TENM3: variants seen among roughly 807,000 people sequenced by gnomAD.
TENM3 encodes teneurin transmembrane protein 3, also known as teneurin-3.
A neutral mutation model predicts 255.1 loss-of-function variants in TENM3; 63 were observed. That is an observed-to-expected ratio of 0.25 (90% CI 0.20 to 0.30). The LOEUF is 0.30. TENM3 is among the 10% of genes least tolerant of loss of function. The pLI, the probability that TENM3 is intolerant of heterozygous loss-of-function variation, is 1.00. For synonymous variants in TENM3, 1,306 were observed against 1,322.3 expected (o/e 0.99, Z 0.27); for missense variants, 2,929 against 3,461.1 (o/e 0.85, Z 3.86).
At chr4:181,918,205 G>C in the TENM3 span, among the ~76,000 whole-genome samples, 935 of 152,056 alleles carry the variant, frequency 6.1e-3, 5 homozygotes, top group African/African-American at 0.022. Flanking sequence ...ATTTTTCATG[G>C]CTTTCTGAAT....
the TENM3 span, among the ~76,000 whole-genome samples, chr4:181,745,115 A>T: frequency 6.6e-6 from 1 of 152,164 alleles, no homozygotes; most frequent in African/African-American, 2.4e-5. Context: ...TGGACACCCC[A>T]ATGTTAAGAA....
intron 3 of TENM3, among the ~76,000 whole-genome samples, chr4:182,397,121 T>G (rs1768879641): frequency 6.6e-6 from 1 of 151,728 alleles, no homozygotes; most frequent in Admixed American, 6.6e-5. Context: ...ACAGAAGAGT[T>G]AACTGTGTAA....
chr4:182,579,367 CAG>C (rs34582029), intron 3 of TENM3, among the ~76,000 whole-genome samples: 48,883 of 151,894 alleles, frequency 0.32, 9,424 homozygotes, highest in East Asian at 0.48. Flanking sequence ...AATGGGAAAA[CAG>C]AGGAAAGAAC....
chr4:182,096,697 G>A, the TENM3 span, among the ~76,000 whole-genome samples: 8 of 152,178 alleles, frequency 5.3e-5, no homozygotes, highest in Non-Finnish European at 7.3e-5. Flanking sequence ...ACCGCCTTTA[G>A]TCTTGCCAAA....
At chr4:182,104,503 CTTTTTTTTT>C in the TENM3 span, among the ~76,000 whole-genome samples, 17 of 66,136 alleles carry the variant, frequency 2.6e-4, no homozygotes, top group African/African-American at 1.0e-3. Context: ...ACTGTTGACT[CTTTTTTTTT>C]TTTTTTTTTT....
chr4:181,754,481 T>C, the TENM3 span, among the ~76,000 whole-genome samples: 23 of 152,266 alleles, frequency 1.5e-4, no homozygotes, highest in Middle Eastern at 6.8e-3. Context: ...TGAGGAAATA[T>C]TTCATGGATA....
the TENM3 span, among the ~76,000 whole-genome samples, chr4:181,809,875 A>G: frequency 1.1e-4 from 16 of 152,148 alleles, no homozygotes; most frequent in African/African-American, 3.9e-4. Context: ...TGGAATGGAG[A>G]AGAGGCAGGG....
intron 3 of TENM3, among the ~76,000 whole-genome samples, chr4:182,519,643 C>T (rs1330926655): frequency 3.9e-5 from 6 of 152,184 alleles, no homozygotes; most frequent in Admixed American, 3.9e-4. Flanking sequence ...GCTTCCAAGA[C>T]CTGTGCTCTT....
intron 24 of TENM3, among the ~76,000 whole-genome samples, chr4:182,784,001 A>G (rs1395550646): frequency 6.6e-6 from 1 of 152,140 alleles, no homozygotes; most frequent in Non-Finnish European, 1.5e-5. Context: ...TTTGGTTTGA[A>G]TGTCCTCCCG....
chr4:181,556,540 A>T, the TENM3 span, among the ~76,000 whole-genome samples: 1 of 152,186 alleles, frequency 6.6e-6, no homozygotes, highest in African/African-American at 2.4e-5. Context: ...TACATCATTT[A>T]AAAAATTATA....
At chr4:181,569,148 C>G in the TENM3 span, among the ~76,000 whole-genome samples, 2 of 152,164 alleles carry the variant, frequency 1.3e-5, no homozygotes, top group Non-Finnish European at 2.9e-5. Flanking sequence ...GCCTGGACCA[C>G]ATAGTGAGGC....
At chr4:182,192,008 ATTTT>A (rs769800279) in intron 1 of TENM3, among the ~76,000 whole-genome samples, 1 of 151,894 alleles carries the variant, frequency 6.6e-6, no homozygotes, top group Non-Finnish European at 1.5e-5. Flanking sequence ...CCTGCCACCT[ATTTT>A]TTTTGTATGG....
intron 1 of TENM3, among the ~76,000 whole-genome samples, chr4:182,273,920 G>A (rs1222604616): frequency 6.6e-6 from 1 of 152,224 alleles, no homozygotes; most frequent in African/African-American, 2.4e-5. Context: ...ATCTTTCGAG[G>A]AAGGATGTTT....
At chr4:182,152,396 G>T (rs1426457515) in intron 1 of TENM3, among the ~76,000 whole-genome samples, 1 of 151,900 alleles carries the variant, frequency 6.6e-6, no homozygotes, top group East Asian at 1.9e-4. Context: ...TTACTTGTAT[G>T]TAAGGTATAC....
chr4:182,296,274 T>A (rs1459554665), intron 1 of TENM3, among the ~76,000 whole-genome samples: 1 of 152,228 alleles, frequency 6.6e-6, no homozygotes, highest in Non-Finnish European at 1.5e-5. Context: ...ATTACCCATA[T>A]ACTATTTTAT....
At chr4:181,881,349 A>G in the TENM3 span, among the ~76,000 whole-genome samples, 1 of 152,134 alleles carries the variant, frequency 6.6e-6, no homozygotes, top group African/African-American at 2.4e-5. Flanking sequence ...ATTCACAAGG[A>G]CAAGTTAAAG....
chr4:181,755,973 C>A, the TENM3 span, among the ~76,000 whole-genome samples: 1 of 152,052 alleles, frequency 6.6e-6, no homozygotes, highest in Non-Finnish European at 1.5e-5. Context: ...TCATTGATAG[C>A]AGTTGAGGGC....
At chr4:181,920,116 C>T in the TENM3 span, among the ~76,000 whole-genome samples, 2 of 152,116 alleles carry the variant, frequency 1.3e-5, no homozygotes, top group South Asian at 4.2e-4. Context: ...GCCACATTTT[C>T]TTAATCCAGT....
chr4:181,886,448 A>G, the TENM3 span, among the ~76,000 whole-genome samples: 10 of 152,276 alleles, frequency 6.6e-5, no homozygotes, highest in African/African-American at 1.7e-4. Flanking sequence ...TTGGAAGCAA[A>G]CTTTTGAGAT....
Sources: gnomAD v4.1 joint callset for allele counts (sites outside exome capture counted in the v4.1 genomes callset) on GRCh38, gnomAD v4.1.1 for gene constraint, MANE v1.5 for transcripts, NCBI Gene and HGNC (gene_info 2026-07-23, HGNC 2026-07-21) for gene names.